The following KATNIP variants were observed in gnomAD, a reference collection of about 807,000 sequenced individuals.
The protein encoded by KATNIP is katanin interacting protein.
Under a neutral mutation model 174.0 loss-of-function variants are expected in KATNIP, and 126 were observed. The ratio of observed to expected loss-of-function variants is 0.72; its 90% confidence interval spans 0.63 to 0.84. KATNIP has a LOEUF of 0.84. Among genes scored for constraint, KATNIP ranks in the 40% least tolerant of loss-of-function variants. The probability of loss-of-function intolerance (pLI) is 0.00; values close to 1 mark genes in which losing one functional copy is unlikely to be tolerated. For missense variants in KATNIP, 1,958 were observed against 2,109.7 expected (o/e 0.93, Z 1.41); for synonymous variants, 810 against 835.7 (o/e 0.97, Z 0.53).
At chr16:27,649,746 G>T (rs560317992) in intron 6 of KATNIP, among the ~76,000 whole-genome samples, 1 of 152,354 alleles carries the variant, frequency 6.6e-6, no homozygotes, top group African/African-American at 2.4e-5. Flanking sequence ...TCAGGTATCA[G>T]TAAGTTCTCT....
intron 6 of KATNIP, among the ~76,000 whole-genome samples, chr16:27,655,429 T>C (rs1597076339): frequency 1.3e-5 from 2 of 150,854 alleles, no homozygotes; most frequent in East Asian, 1.9e-4. Flanking sequence ...ATTTATTTAT[T>C]TTTGAGAGAC....
chr16:27,582,329 A>G (rs990961651), intron 2 of KATNIP, among the ~76,000 whole-genome samples: 1 of 152,238 alleles, frequency 6.6e-6, no homozygotes, highest in African/African-American at 2.4e-5. Flanking sequence ...TTGCATTACA[A>G]AGAGCCTGGT....
chr16:27,711,498 T>C (rs1182381566), intron 13 of KATNIP, among the ~76,000 whole-genome samples: 1 of 152,180 alleles, frequency 6.6e-6, no homozygotes, highest in Non-Finnish European at 1.5e-5. Flanking sequence ...AACCATTTAT[T>C]GAGATGCCTC....
At chr16:27,634,271 A>G (rs758446735) in intron 5 of KATNIP, among the ~76,000 whole-genome samples, 30 of 152,124 alleles carry the variant, frequency 2.0e-4, no homozygotes, top group Admixed American at 3.9e-4. Context: ...GTCCTTCTAC[A>G]CTGTATCAGT....
chr16:27,726,947 C>T (rs1399192821), intron 14 of KATNIP, among the ~76,000 whole-genome samples: 3 of 152,332 alleles, frequency 2.0e-5, no homozygotes, highest in South Asian at 2.1e-4. Flanking sequence ...GGATCTGATT[C>T]GGAGACAGGC....
intron 8 of KATNIP, 52 bp downstream of exon 8, chr16:27,681,582 C>T: frequency 6.2e-7 from 1 of 1,609,198 alleles, no homozygotes; most frequent in South Asian, 1.1e-5. Context: ...GACTGGGTCA[C>T]TCTCTGGGGT....
chr16:27,772,992 T>C (rs2012112996), intron 22 of KATNIP, 107 bp from the exon 23 acceptor site: 1 of 645,710 alleles, frequency 1.5e-6, no homozygotes, highest in Non-Finnish European at 2.7e-6. Context: ...TGTTTTTCTC[T>C]CATTCATCAA....
In KATNIP at chr16:27,708,024, C is replaced by CTT. The variant is rs34070705; in HGVS notation, c.1390-666_1390-665dup. 8.3e-4 allele frequency among the ~76,000 whole-genome samples: 116 copies of CTT among 140,576 alleles called. 1 individual carries two copies. The highest frequency in any genetic ancestry group is 1.6e-3 in the African/African-American group (62 of 38,192). The allele number at this position is 140,576 out of a possible 152,430, so 92.2% of individuals were successfully genotyped here. A position where few individuals can be genotyped will look rare whatever the true frequency, so the allele number is the denominator to read the frequency against. The stretch of plus-strand genomic sequence containing the variant: ...GGAAGGGATAAATTCAGCCCGTAAC[C>CTT]TTTTTTTTTTTTTTTTGAGACTGGG... On this transcript the variant is annotated intron_variant, in intron 12 of 27. Transcript: ENST00000261588.
chr16:27,631,998 T>TA (rs2076503509), intron 5 of KATNIP, among the ~76,000 whole-genome samples: 1 of 152,204 alleles, frequency 6.6e-6, no homozygotes, highest in Non-Finnish European at 1.5e-5. Flanking sequence ...TGTCCCTCTT[T>TA]ATAAGGAGCT....
At chr16:27,580,497 A>G (rs1205653191) in intron 2 of KATNIP, among the ~76,000 whole-genome samples, 1 of 152,198 alleles carries the variant, frequency 6.6e-6, no homozygotes, top group Non-Finnish European at 1.5e-5. Flanking sequence ...GGCCTGGCTA[A>G]TCAATACTCA....
At chr16:27,625,318 G>T (rs938704588) in intron 3 of KATNIP, among the ~76,000 whole-genome samples, 7 of 152,172 alleles carry the variant, frequency 4.6e-5, no homozygotes, top group African/African-American at 1.7e-4. Flanking sequence ...CTGGATAGCT[G>T]GATGCCGTGA....
chr16:27,604,510 C>T (rs993207903), intron 2 of KATNIP, among the ~76,000 whole-genome samples: 1 of 152,204 alleles, frequency 6.6e-6, no homozygotes, highest in African/African-American at 2.4e-5. Context: ...GCTGGAATTA[C>T]ACTTGTGAGT....
chr16:27,712,747 A>C (rs2079631035), intron 13 of KATNIP, among the ~76,000 whole-genome samples: 1 of 152,066 alleles, frequency 6.6e-6, no homozygotes, highest in Non-Finnish European at 1.5e-5. Flanking sequence ...TACTGACATG[A>C]ATGTCAACTT....
chr16:27,763,702 C>T (rs2082031086), intron 19 of KATNIP, among the ~76,000 whole-genome samples: 1 of 152,064 alleles, frequency 6.6e-6, no homozygotes, highest in Non-Finnish European at 1.5e-5. Context: ...TTCATAGTCC[C>T]CACACCCACC....
chr16:27,740,703 G>A lies in KATNIP; in HGVS notation c.2406G>A (p.Glu802=). ...DVIGEGPGET[E]ARDKGLRHEP... is the part of the protein sequence containing the mutation. ...TCGGTGAGGGTCCTGGAGAGACCGA[G>A]GCCAGGGATAAAGGCCTACGGCATG... The change falls in exon 15 of 28, where the codon GAG becomes GAA. Residue 802 remains glutamate (E), a synonymous_variant. Coordinates refer to ENST00000261588, the MANE Select transcript of KATNIP (RefSeq NM_015202.5). 1.9e-6 allele frequency: 3 copies of A among 1,614,186 alleles called. No individual in the cohort carries two copies. The highest frequency in any genetic ancestry group is 1.1e-5 in the South Asian group (1 of 91,070).
chr16:27,564,401 AG>A (rs952137547), intron 1 of KATNIP, among the ~76,000 whole-genome samples: 5 of 152,282 alleles, frequency 3.3e-5, no homozygotes, highest in African/African-American at 9.6e-5. Context: ...CATTGTCCCC[AG>A]GCTCTTACCT....
At position 27,766,380 on chromosome 16, in the gene KATNIP, A is replaced by G. The variant is rs1439741472; in HGVS notation, c.3881A>G (p.Asp1294Gly). ...CTGATCCCCTTCTCGCCGGGGCTGGACCATGTGGTCACGATCCGCCTGGAC... is the reference window on the plus strand; with the variant it reads ...CTGATCCCCTTCTCGCCGGGGCTGGGCCATGTGGTCACGATCCGCCTGGAC... ...MWLIPFSPGL[D>G]HVVTIRLDRA... is the part of the protein sequence containing the mutation. Residue 1294 changes from aspartate (D) to glycine (G), a missense_variant, in exon 20 of 28, where the codon GAC becomes GGC. Physicochemically the swap from Asp to Gly is moderately conservative, Grantham distance 94. Transcript: ENST00000261588. The G allele has an allele frequency of 6.2e-7, 1 of 1,614,146 alleles. No individual in the cohort carries two copies. The highest frequency in any genetic ancestry group is 8.5e-7 in the Non-Finnish European group (1 of 1,180,022).
chr16:27,708,806 A>G lies in KATNIP; in HGVS notation c.1491A>G (p.Glu497=), dbSNP rs550382564. Residue 497 remains glutamate, a synonymous_variant, in exon 13 of 28, where the codon GAA becomes GAG. Transcript: ENST00000261588. Reference sequence around the variant, plus strand: ...ACTCGTGGTGGGTGGGTCTCACAGAAGTCGAGTTCTTTGACTTGAATGACA... The same window carrying G: ...ACTCGTGGTGGGTGGGTCTCACAGAGGTCGAGTTCTTTGACTTGAATGACA... ...WGNSWWVGLT[E]VEFFDLNDTK... 3.5e-5 allele frequency: 57 copies of G among 1,614,048 alleles called. No homozygotes were observed. In the South Asian group the frequency reaches 6.1e-4, roughly 17 times the overall value.
intron 13 of KATNIP, 81 bp from the exon 14 acceptor site, chr16:27,721,477 G>A: frequency 6.4e-7 from 1 of 1,564,408 alleles, no homozygotes; most frequent in South Asian, 1.1e-5. Flanking sequence ...TGGTTTTCGT[G>A]AGCCAAAGAG....
Sources: gnomAD v4.1 joint callset for allele counts (sites outside exome capture counted in the v4.1 genomes callset) on GRCh38, gnomAD v4.1.1 for gene constraint, MANE v1.5 for transcripts, NCBI Gene and HGNC (gene_info 2026-07-23, HGNC 2026-07-21) for gene names.